The following REC8 variants were observed in gnomAD, a reference collection of about 807,000 sequenced individuals.
REC8 encodes the protein REC8 meiotic recombination protein, also known as meiotic recombination protein REC8 homolog.
A neutral mutation model predicts 78.3 loss-of-function variants in REC8; 42 were observed. The ratio of observed to expected loss-of-function variants is 0.54; its 90% CI spans 0.42 to 0.69. REC8 has a LOEUF of 0.69. Ranked by LOEUF, REC8 falls within the 30% of genes least tolerant of loss-of-function variation. The pLI is 0.00. For missense variants in REC8, 581 were observed against 715.8 expected (o/e 0.81, Z 2.15); for synonymous variants, 268 against 274.1 (o/e 0.98, Z 0.22).
Position 24,180,250 on chromosome 14 carries a change from T to C in REC8, c.*155T>C, listed in dbSNP as rs1270634553. 2.6e-6 allele frequency: 4 copies of C among 1,562,274 alleles called. No individual in the cohort carries two copies. Among genetic ancestry groups the C allele is most frequent in the Non-Finnish European group, 3.5e-6 (4 of 1,152,394 alleles). ...TCAAGCAGAAAACAAGCTGCTTTTA[T>C]TACAGTATGATGTCATGACTCATTT... On this transcript the variant is annotated 3_prime_UTR_variant, in exon 19 of 19. Transcript: ENST00000611366.
chr14:24,180,554 A>G, downstream of REC8: 1 of 1,614,112 alleles, frequency 6.2e-7, no homozygotes, highest in South Asian at 1.1e-5. Flanking sequence ...CAGGAGCAGC[A>G]ACAGTGCGGC....
chr14:24,178,982 T>C, intron 14 of REC8, 66 bp downstream of exon 14: 2 of 1,603,120 alleles, frequency 1.2e-6, no homozygotes, highest in Non-Finnish European at 1.7e-6. Flanking sequence ...CTGGCTGCCC[T>C]CTCCTGCTAT....
Position 24,172,998 on chromosome 14 carries a change from C to A in REC8, c.225C>A (p.Ile75=), listed in dbSNP as rs987911856. ...TCTATCTCTCAGCCCAACTTCAGAT[C>A]GGTGTGATCCGCGTCTATTCTCAAC... ...FSLYLSAQLQ[I]GVIRVYSQQC... The change falls in exon 3 of 19, where the codon ATC becomes ATA. Residue 75 remains isoleucine (I), a synonymous_variant. Coordinates refer to ENST00000611366, the MANE Select transcript of REC8 (RefSeq NM_001048205.2). 3.7e-6 allele frequency: 6 copies of A among 1,608,508 alleles called. No individual in the cohort carries two copies. The highest frequency in any genetic ancestry group is 5.1e-6 in the Non-Finnish European group (6 of 1,180,024).
chr14:24,178,969 C>T (rs1457549159), intron 14 of REC8, 53 bp downstream of exon 14: 2 of 1,606,070 alleles, frequency 1.2e-6, no homozygotes, highest in Non-Finnish European at 1.7e-6. Context: ...TCTGCCTGAC[C>T]AGCTGGCTGC....
intron 6 of REC8, among the ~76,000 whole-genome samples, chr14:24,175,992 C>T (rs1232950859): frequency 3.3e-5 from 5 of 151,078 alleles, no homozygotes; most frequent in Admixed American, 1.3e-4. Flanking sequence ...TGTGAGCCAC[C>T]GTGCCTGGTG....
At chr14:24,173,535 C>T in intron 5 of REC8, 124 bp downstream of exon 5, 1 of 1,523,924 alleles carries the variant, frequency 6.6e-7, no homozygotes. Flanking sequence ...GGAGATGGTG[C>T]AGGGGGACTG....
rs1273649739 is a variant in REC8 at position 24,179,739 on chromosome 14, T to C, written c.1451+13T>C. On this transcript the variant is annotated intron_variant, in intron 17 of 18. Transcript: ENST00000611366. ...AAGCAGTGCACAGGTACCAGGGAGG[T>C]GGCACCTTGATGGGGTGGACCCGGG... The C allele has an allele frequency of 6.2e-7, 1 of 1,614,078 alleles. No homozygotes were observed. The highest frequency in any genetic ancestry group is 1.1e-5 in the South Asian group (1 of 91,080).
downstream of REC8, chr14:24,180,901 G>A (rs2039126427): frequency 3.1e-6 from 2 of 635,616 alleles, no homozygotes; most frequent in East Asian, 2.8e-5. Context: ...AGACAACTAT[G>A]AACATGAGAA....
intron 11 of REC8, 82 bp from the exon 12 acceptor site, chr14:24,178,009 G>C (rs980433156): frequency 2.6e-6 from 4 of 1,543,428 alleles, no homozygotes; most frequent in Non-Finnish European, 3.5e-6. Context: ...GGCGGGTGTG[G>C]GGTCCTGTTA....
chr14:24,180,771 A>T (rs1453580377), downstream of REC8: 1 of 1,612,890 alleles, frequency 6.2e-7, no homozygotes, highest in African/African-American at 1.3e-5. Context: ...GTGAGGAAAG[A>T]GTGGCTGACT....
intron 6 of REC8, 31 bp from the exon 7 acceptor site, chr14:24,176,791 A>T: frequency 6.4e-7 from 1 of 1,562,852 alleles, no homozygotes; most frequent in Non-Finnish European, 8.8e-7. Flanking sequence ...GGAAAGAAGC[A>T]GAGAGGCTAG....
rs1361919790 is a variant in REC8, at chr14:24,178,878, G to A, written c.1165G>A (p.Glu389Lys). 6.2e-7 allele frequency: 1 copy of A among 1,613,576 alleles called. No homozygotes were observed. The highest frequency in any genetic ancestry group is 8.5e-7 in the Non-Finnish European group (1 of 1,180,010). The change falls in exon 14 of 19, where the codon GAG (glutamate) becomes AAG (lysine). Residue 389 changes from glutamate (E) to lysine (K), a missense_variant. Physicochemically the swap from Glu to Lys is moderately conservative, Grantham distance 56. Transcript: ENST00000611366. ...RELPEEAAAE[E>K]ERRKIEVPSE... Reference sequence around the variant, plus strand: ...GCTGCCTGAGGAGGCAGCCGCTGAGGAGGAAAGGAGAAAGATTGAAGTTCC... The same window carrying A: ...GCTGCCTGAGGAGGCAGCCGCTGAGAAGGAAAGGAGAAAGATTGAAGTTCC...
At chr14:24,175,470 G>A in intron 5 of REC8, 73 bp from the exon 6 acceptor site, 1 of 1,158,404 alleles carries the variant, frequency 8.6e-7, no homozygotes, top group South Asian at 1.2e-5. Context: ...CATTGTTGAA[G>A]AAGGCTGTGA....
Position 24,179,205 on chromosome 14 carries a change from G to A in REC8, c.1252+72G>A, listed in dbSNP as rs1222542075. The A allele has an allele frequency of 5.1e-6, 7 of 1,381,752 alleles. No individual in the cohort carries two copies. The Admixed American group carries it at 7.8e-5, about 15-fold the overall frequency. The allele number at this position is 1,381,752 out of a possible 1,614,324, so 85.6% of individuals were successfully genotyped here. ...GTCCCAGGAAACTAGTATCCCAACT[G>A]CTGAAGCTGTTTTATGAGTGAAGGC... is the stretch of plus-strand genomic sequence containing the variant. On this transcript the variant is annotated intron_variant, in intron 15 of 18. Coordinates refer to ENST00000611366, the MANE Select transcript of REC8 (RefSeq NM_001048205.2).
chr14:24,173,081 G>A, intron 3 of REC8, 40 bp downstream of exon 3: 1 of 1,612,218 alleles, frequency 6.2e-7, no homozygotes, highest in Non-Finnish European at 8.5e-7. Flanking sequence ...GGGCTGAGCA[G>A]CTGTCTGCTA....
In REC8 at chr14:24,177,761, G is replaced by C. The variant is rs2038966774; in HGVS notation, c.864+3G>C. The C allele has an allele frequency of 1.2e-6, 2 of 1,601,938 alleles. No individual in the cohort carries two copies. Among genetic ancestry groups the C allele is most frequent in the Non-Finnish European group, 1.7e-6 (2 of 1,174,622 alleles). On this transcript the variant is annotated splice_donor_region_variant and intron_variant, in intron 11 of 18. Coordinates refer to ENST00000611366, the MANE Select transcript of REC8 (RefSeq NM_001048205.2). ...TGCCAGCCCCACCCAGCCCAGAGGT[G>C]AGTAGCCTCCCTTCTAATCCTCCTC...
rs1303676962 is a variant in REC8 at position 24,177,216 on chromosome 14, T to C, written c.700T>C (p.Leu234=). The C allele has an allele frequency of 1.2e-6, 2 of 1,614,002 alleles. No individual in the cohort carries two copies. The highest frequency in any genetic ancestry group is 4.5e-5 in the East Asian group (2 of 44,880). ...LIAEEEEAIL[L]EIPRLPPPAP... ...CGCAGAGGAAGAAGAAGCTATCTTG[T>C]TAGAAAGTAGGTGTCTCCGGCAGCG... The change falls in exon 8 of 19, where the codon TTA becomes CTA. Residue 234 remains leucine (L), a synonymous_variant. Transcript: ENST00000611366.
At chr14:24,175,237 A>ACC in intron 5 of REC8, 1 of 219,724 alleles carries the variant, frequency 4.6e-6, no homozygotes, top group Non-Finnish European at 9.2e-6. Flanking sequence ...AACTCCTGAC[A>ACC]TCAAGTGATC....
At chr14:24,179,362 G>A in intron 15 of REC8, 35 bp from the exon 16 acceptor site, 1 of 1,611,530 alleles carries the variant, frequency 6.2e-7, no homozygotes, top group South Asian at 1.1e-5. Context: ...TGCCACCCAA[G>A]CAGACACCCA....
Sources: allele counts gnomAD v4.1 joint callset (sites outside exome capture counted in the v4.1 genomes callset), GRCh38; gene constraint gnomAD v4.1.1; transcripts MANE v1.5; gene names NCBI Gene and HGNC (gene_info 2026-07-23, HGNC 2026-07-21).